TMEM244: variants seen among roughly 807,000 people sequenced by gnomAD.
TMEM244 encodes transmembrane protein 244.
A neutral mutation model predicts 15.8 loss-of-function variants in TMEM244; 13 were observed. The ratio of observed to expected loss-of-function variants is 0.82; its 90% CI spans 0.53 to 1.30. The LOEUF (loss-of-function observed/expected upper bound fraction) is 1.30, where lower values mean the gene tolerates loss of function less well. Among genes scored for constraint, TMEM244 ranks in the 50% most tolerant of loss-of-function variants. The pLI, the probability that TMEM244 is intolerant of heterozygous loss-of-function variation, is 0.00. For synonymous variants in TMEM244, 45 were observed against 48.7 expected, an observed-to-expected ratio of 0.92 and a Z score of 0.32; for missense variants, 161 against 144.9, an observed-to-expected ratio of 1.11 and a Z score of -0.57.
At chr6:129,843,029 G>A (rs973470123) in intron 3 of TMEM244, among the ~76,000 whole-genome samples, 1 of 151,924 alleles carries the variant, frequency 6.6e-6, no homozygotes, top group African/African-American at 2.4e-5. Context: ...AAGCAGAAAT[G>A]TACAAAGTAG....
intron 3 of TMEM244, among the ~76,000 whole-genome samples, chr6:129,835,860 C>A (rs529852929): frequency 2.3e-5 from 3 of 128,280 alleles, no homozygotes; most frequent in Non-Finnish European, 3.3e-5. Flanking sequence ...AGATGGGCGT[C>A]TGCATTGCTG....
Position 129,843,517 on chromosome 6 carries a change from T to C in TMEM244, c.193+13A>G. 6.3e-7 allele frequency: 1 copy of C among 1,582,984 alleles called. No individual in the cohort carries two copies. The highest frequency in any genetic ancestry group is 8.6e-7 in the Non-Finnish European group (1 of 1,159,208). The stretch of plus-strand genomic sequence containing the variant: ...TTCACTAATTGATAAGAATTTAAAA[T>C]TAAAACAATTACCTTTATAGTTTAT... On this transcript the variant is annotated intron_variant, in intron 3 of 4. Transcript: ENST00000368143.
chr6:129,842,493 T>C (rs1776506117), intron 3 of TMEM244, among the ~76,000 whole-genome samples: 1 of 152,118 alleles, frequency 6.6e-6, no homozygotes, highest in African/African-American at 2.4e-5. Flanking sequence ...TGACCAAGTT[T>C]CCTATACAAA....
In TMEM244 at chr6:129,836,316, C is replaced by A. The variant is rs577861865; in HGVS notation, c.194-2731G>T. 3.9e-5 allele frequency among the ~76,000 whole-genome samples: 6 copies of A among 152,246 alleles called. No individual in the cohort carries two copies. In the East Asian group the frequency reaches 1.2e-3, roughly 29 times the overall value. On this transcript the variant is annotated intron_variant, in intron 3 of 4. Transcript: ENST00000368143. Reference sequence around the variant, plus strand: ...CCTCCAGCAAACCCCAACAGATCTGCAGCTGAGGGGTCTGACTGTTAGAGG... The same window carrying A: ...CCTCCAGCAAACCCCAACAGATCTGAAGCTGAGGGGTCTGACTGTTAGAGG...
At chr6:129,849,363 C>T (rs17475422) in intron 1 of TMEM244, among the ~76,000 whole-genome samples, 2 of 152,168 alleles carry the variant, frequency 1.3e-5, no homozygotes, top group African/African-American at 4.8e-5. Context: ...TTCCTCGAAT[C>T]TACACCCTAC....
intron 1 of TMEM244, among the ~76,000 whole-genome samples, chr6:129,851,121 A>G (rs1418924721): frequency 6.6e-6 from 1 of 152,130 alleles, no homozygotes; most frequent in African/African-American, 2.4e-5. Flanking sequence ...GGAAACTGAG[A>G]CAAAGAGAGA....
intron 1 of TMEM244, among the ~76,000 whole-genome samples, chr6:129,846,549 T>A (rs1458049018): frequency 1.3e-5 from 2 of 152,174 alleles, no homozygotes; most frequent in Non-Finnish European, 2.9e-5. Flanking sequence ...TAATGCAATA[T>A]ACAAATCCAT....
intron 3 of TMEM244, among the ~76,000 whole-genome samples, chr6:129,838,390 G>T (rs999395142): frequency 2.6e-5 from 4 of 152,136 alleles, no homozygotes; most frequent in African/African-American, 9.7e-5. Flanking sequence ...AAACCAATGA[G>T]AACAAAGACA....
chr6:129,836,342 G>A (rs993129489), intron 3 of TMEM244, among the ~76,000 whole-genome samples: 16 of 152,058 alleles, frequency 1.1e-4, no homozygotes, highest in African/African-American at 3.9e-4. Context: ...CTGTTAGAGG[G>A]AAAACTAACA....
At chr6:129,834,712 T>C (rs1776379181) in intron 3 of TMEM244, among the ~76,000 whole-genome samples, 1 of 152,160 alleles carries the variant, frequency 6.6e-6, no homozygotes, top group South Asian at 2.1e-4. Context: ...CTAACTCCTT[T>C]TCTATTGCAC....
At chr6:129,835,414 A>G (rs1476134376) in intron 3 of TMEM244, among the ~76,000 whole-genome samples, 1 of 150,228 alleles carries the variant, frequency 6.7e-6, no homozygotes, top group Non-Finnish European at 1.5e-5. Flanking sequence ...TAAAAAAAAA[A>G]AAAAAGAGTT....
chr6:129,838,963 T>C (rs1190006836), intron 3 of TMEM244, among the ~76,000 whole-genome samples: 1 of 151,988 alleles, frequency 6.6e-6, no homozygotes, highest in African/African-American at 2.4e-5. Flanking sequence ...AAAAAGTCCA[T>C]GACCAGATGG....
chr6:129,851,298 T>C (rs1167793332), intron 1 of TMEM244, among the ~76,000 whole-genome samples: 1 of 152,156 alleles, frequency 6.6e-6, no homozygotes, highest in Non-Finnish European at 1.5e-5. Flanking sequence ...AGATGGAGTC[T>C]TGCTTTGTCG....
chr6:129,860,877 G>A lies in TMEM244; in HGVS notation c.33+279C>T, dbSNP rs560866350. ...ATGATTTCAGAAAACGATAGCAGAC[G>A]TGCAGGTGCTAATACCAGAGAGCTT... On this transcript the variant is annotated intron_variant, in intron 1 of 4. Transcript: ENST00000368143. 6.6e-5 allele frequency among the ~76,000 whole-genome samples: 10 copies of A among 151,912 alleles called. No homozygotes were observed. The South Asian group carries it at 1.0e-3, about 16-fold the overall frequency.
At chr6:129,859,101 T>C (rs995202080) in intron 1 of TMEM244, among the ~76,000 whole-genome samples, 7 of 152,086 alleles carry the variant, frequency 4.6e-5, no homozygotes, top group Non-Finnish European at 2.9e-5. Flanking sequence ...GCCGGAACCA[T>C]AGTCTATTAA....
intron 1 of TMEM244, among the ~76,000 whole-genome samples, chr6:129,859,506 T>C (rs72993272): frequency 0.12 from 18,801 of 152,306 alleles, 1,251 homozygotes; most frequent in Non-Finnish European, 0.14. Context: ...TGCAGGAATG[T>C]GTTGTGCTTC....
At chr6:129,851,875 G>A (rs527755954) in intron 1 of TMEM244, among the ~76,000 whole-genome samples, 191 of 152,198 alleles carry the variant, frequency 1.3e-3, no homozygotes, top group African/African-American at 4.4e-3. Context: ...AAATATATTT[G>A]GATCCTGAAT....
intron 3 of TMEM244, among the ~76,000 whole-genome samples, chr6:129,838,471 C>T (rs1350009723): frequency 6.6e-6 from 1 of 152,068 alleles, no homozygotes; most frequent in Non-Finnish European, 1.5e-5. Flanking sequence ...TAAATGCCCA[C>T]AAGAGAAAGC....
intron 3 of TMEM244, among the ~76,000 whole-genome samples, chr6:129,836,872 G>A (rs1456735743): frequency 1.3e-5 from 2 of 152,108 alleles, no homozygotes; most frequent in African/African-American, 2.4e-5. Context: ...GACAAGATTA[G>A]AGAAAAAAGA....
Sources: allele counts gnomAD v4.1 joint callset (sites outside exome capture counted in the v4.1 genomes callset), GRCh38; gene constraint gnomAD v4.1.1; transcripts MANE v1.5; gene names NCBI Gene and HGNC (gene_info 2026-07-23, HGNC 2026-07-21).